NFKBIZ: variants seen among roughly 807,000 people sequenced by gnomAD.
The protein encoded by NFKBIZ is NF-kappa-B inhibitor zeta.
In NFKBIZ, 19 loss-of-function variants were observed where a neutral mutation model predicts 76.8. The observed-to-expected ratio is 0.25, with a 90% CI of 0.17 to 0.36. The LOEUF (loss-of-function observed/expected upper bound fraction) is 0.36, where lower values mean the gene tolerates loss of function less well. Ranked by LOEUF, NFKBIZ falls within the 10% of genes least tolerant of loss-of-function variation. The pLI is 1.00. For synonymous variants in NFKBIZ, 368 were observed against 354.8 expected (o/e 1.04, Z -0.42); for missense variants, 829 against 910.9 (o/e 0.91, Z 1.16).
chr3:101,835,326 G>C (rs897971163), intron 2 of NFKBIZ, among the ~76,000 whole-genome samples: 1 of 152,178 alleles, frequency 6.6e-6, no homozygotes, highest in African/African-American at 2.4e-5. Context: ...AAAATTTGGA[G>C]GCAAGAATTA....
chr3:101,851,048 C>T (rs1353749266), intron 1 of NFKBIZ, among the ~76,000 whole-genome samples: 2 of 152,210 alleles, frequency 1.3e-5, no homozygotes, highest in Non-Finnish European at 2.9e-5. Flanking sequence ...TCTGGTATCT[C>T]TTGAAATCCC....
chr3:101,851,307 T>C (rs1450331313), intron 1 of NFKBIZ, among the ~76,000 whole-genome samples: 2 of 152,256 alleles, frequency 1.3e-5, no homozygotes, highest in Non-Finnish European at 2.9e-5. Context: ...TACCAAATGC[T>C]AAAGTGTATT....
intron 2 of NFKBIZ, among the ~76,000 whole-genome samples, chr3:101,837,596 A>G (rs924130658): frequency 2.6e-5 from 4 of 152,298 alleles, no homozygotes; most frequent in African/African-American, 9.6e-5. Flanking sequence ...GGTGGAAAAC[A>G]CAGGGTTGAG....
At position 101,860,717 on chromosome 3, in the gene NFKBIZ, G is replaced by T. The variant is rs1239108838; in HGVS notation, c.*1346G>T. On this transcript the variant is annotated 3_prime_UTR_variant, in exon 12 of 12. Transcript: ENST00000326172. ...TATTAACATTATTTTGCTTGCCGCT[G>T]GCATGCCTGAGGAATGTATTTGGCT... is the stretch of plus-strand genomic sequence containing the variant. 1 of 150,956 alleles carries T rather than the reference G, an allele frequency of 6.6e-6. No individual in the cohort carries two copies. Among genetic ancestry groups the T allele is most frequent in the African/African-American group, 2.4e-5 (1 of 41,004 alleles). The allele number at this position is 150,956 out of a possible 1,614,324, so 9.4% of individuals were successfully genotyped here. A position where few individuals can be genotyped will look rare whatever the true frequency, so the allele number is the denominator to read the frequency against.
At chr3:101,849,395 A>T (rs1401568178), upstream of NFKBIZ, 2 of 358,172 alleles carry the variant, frequency 5.6e-6, no homozygotes, top group Non-Finnish European at 1.0e-5. Context: ...TGGAAATCGG[A>T]CGCATCCGGA....
At chr3:101,849,949 G>A (rs1441929970) in intron 1 of NFKBIZ, 32 bp downstream of exon 1, 4 of 1,360,322 alleles carry the variant, frequency 2.9e-6, no homozygotes, top group Non-Finnish European at 3.8e-6. Flanking sequence ...CTGCGTACTC[G>A]GGGCGCGCAC....
intron 2 of NFKBIZ, among the ~76,000 whole-genome samples, chr3:101,840,506 A>C (rs1942774052): frequency 6.6e-6 from 1 of 152,184 alleles, no homozygotes; most frequent in African/African-American, 2.4e-5. Flanking sequence ...AACCATATGC[A>C]TTTTATAGTA....
rs972601070 is a variant in NFKBIZ, at chr3:101,849,866, G to T, written c.238G>T (p.Gly80Cys). The change falls in exon 1 of 12, where the codon GGC becomes TGC. Residue 80 changes from glycine (G) to cysteine (C), a missense_variant. Gly to Cys is a radical substitution (Grantham distance 159). This residue lies in a region of NFKBIZ where 181 missense variants were observed against 175.3 expected (regional missense o/e 1.03). Transcript: ENST00000326172. The stretch of plus-strand genomic sequence containing the variant: ...CTCTGCCTCGTCGGTGTCCTCCTGC[G>T]GCGCCGTGGAGTCCCGGTCGAGAGG... Reference protein sequence around the residue: ...FSSASSVSSCGAVESRSRGGA... With the variant: ...FSSASSVSSCCAVESRSRGGA... 216 of 1,459,946 alleles carry T rather than the reference G, an allele frequency of 1.5e-4. No individual in the cohort carries two copies. The highest frequency in any genetic ancestry group is 1.9e-4 in the Non-Finnish European group (207 of 1,114,024). 90.4% of individuals were successfully genotyped at this position (1,459,946 alleles called of 1,614,324 possible).
chr3:101,855,015 A>G (rs377355376), intron 6 of NFKBIZ, 47 bp from the exon 7 acceptor site: 3 of 1,535,972 alleles, frequency 2.0e-6, no homozygotes, highest in Middle Eastern at 1.7e-4. Flanking sequence ...CCTTGTTATG[A>G]TAACATTGTA....
At chr3:101,855,333 G>C (rs1453432880) in intron 7 of NFKBIZ, 62 bp from the exon 8 acceptor site, 1 of 1,606,940 alleles carries the variant, frequency 6.2e-7, no homozygotes, top group African/African-American at 1.3e-5. Flanking sequence ...ATTTCTTGGG[G>C]ATTCTAATAG....
At position 101,855,869 on chromosome 3, in the gene NFKBIZ, C is replaced by T. The variant is rs748346230; in HGVS notation, c.1791C>T (p.Cys597=). The T allele has an allele frequency of 3.7e-6, 6 of 1,612,040 alleles. No homozygotes were observed. The Admixed American group carries it at 1.0e-4, about 27-fold the overall frequency. The stretch of plus-strand genomic sequence containing the variant: ...AGAGTCTGGTTGATACCATTAAGTG[C>T]CTAATTCAAATGGGAGCAGCGGTGG... ...KNKSLVDTIK[C]LIQMGAAVEA... The change falls in exon 9 of 12, where the codon TGC becomes TGT. Residue 597 remains cysteine (C), a synonymous_variant. Transcript: ENST00000326172.
At chr3:101,845,615 C>CT (rs1942840775), upstream of NFKBIZ, among the ~76,000 whole-genome samples, 1 of 152,104 alleles carries the variant, frequency 6.6e-6, no homozygotes. Flanking sequence ...CCCTCAATTC[C>CT]TTTTTTGAAA....
intron 2 of NFKBIZ, among the ~76,000 whole-genome samples, chr3:101,840,216 C>T (rs1942770976): frequency 1.3e-5 from 2 of 152,218 alleles, no homozygotes; most frequent in Middle Eastern, 6.8e-3. Flanking sequence ...GCAGAAGAAG[C>T]CATGGAACTT....
rs1942988606 is a variant in NFKBIZ, at chr3:101,852,833, G to C, written c.461-53G>C. ...GAGTAAATAATAGAGTGTAATTATGGGTAACATTTATAAAATAAAATGATG... is the reference window on the plus strand; with the variant it reads ...GAGTAAATAATAGAGTGTAATTATGCGTAACATTTATAAAATAAAATGATG... On this transcript the variant is annotated intron_variant, in intron 3 of 11. Transcript: ENST00000326172. 3.9e-5 allele frequency: 62 copies of C among 1,600,974 alleles called. 2 individuals are homozygous for C. In the South Asian group the frequency reaches 6.9e-4, roughly 18 times the overall value.
chr3:101,840,320 C>T (rs1019469052), intron 2 of NFKBIZ, among the ~76,000 whole-genome samples: 3 of 152,062 alleles, frequency 2.0e-5, no homozygotes, highest in Non-Finnish European at 4.4e-5. Context: ...TAAATAGAAA[C>T]CAGAAAACAC....
At position 101,855,405 on chromosome 3, in the gene NFKBIZ, AGGGAGCAGT is replaced by A; in HGVS notation, c.1606_1614del (p.Ala536_Gly538del). 1.2e-6 allele frequency: 2 copies of A among 1,614,236 alleles called. No homozygotes were observed. The highest frequency in any genetic ancestry group is 1.7e-6 in the Non-Finnish European group (2 of 1,180,032). ...TTTTAAAATCTGCAGGCGATTCAGA[AGGGAGCAGT>A]GGGAAGTAATCAGTTTGTGGATCTT... On this transcript the variant is annotated inframe_deletion, in exon 8 of 12. Transcript: ENST00000326172.
rs536101784 is a variant in NFKBIZ, at chr3:101,830,686, C to T, written c.-12+998C>T. Among the ~76,000 whole-genome samples the T allele has an allele frequency of 7.3e-5, 11 of 151,576 alleles. No homozygotes were observed. In the East Asian group the frequency reaches 2.1e-3, roughly 30 times the overall value. On this transcript the variant is annotated intron_variant, in intron 2 of 12. Coordinates refer to the NFKBIZ transcript ENST00000394054. Reference sequence around the variant, plus strand: ...TTTTTTATGGCTGTGTAGATTTCCACAGTGTATACGTACCACATTTCCTTT... The same window carrying T: ...TTTTTTATGGCTGTGTAGATTTCCATAGTGTATACGTACCACATTTCCTTT...
At chr3:101,845,871 A>T (rs947371673), upstream of NFKBIZ, among the ~76,000 whole-genome samples, 1 of 152,196 alleles carries the variant, frequency 6.6e-6, no homozygotes, top group Non-Finnish European at 1.5e-5. Context: ...CAGTATCTTT[A>T]GATGTAGACA....
In NFKBIZ at chr3:101,853,262, C is replaced by T. The variant is rs2107416639; in HGVS notation, c.736C>T (p.Pro246Ser). The T allele has an allele frequency of 6.2e-7, 1 of 1,614,140 alleles. No homozygotes were observed. The highest frequency in any genetic ancestry group is 8.5e-7 in the Non-Finnish European group (1 of 1,180,022). ...QVSWLNPVVV[P>S]QSSPAEQCQD... is the part of the protein sequence containing the mutation. The stretch of plus-strand genomic sequence containing the variant: ...TAGCTGGCTGAACCCCGTGGTGGTC[C>T]CTCAGAGCTCCCCCGCAGAGCAGTG... The change falls in exon 5 of 12, where the codon CCT (proline) becomes TCT (serine). Residue 246 changes from proline (P) to serine (S), a missense_variant. Pro to Ser is a moderately conservative substitution (Grantham distance 74). Transcript: ENST00000326172.
Sources: gnomAD v4.1 joint callset for allele counts (sites outside exome capture counted in the v4.1 genomes callset) on GRCh38, gnomAD v4.1.1 for gene constraint, gnomAD v4.1.1 regional missense constraint, MANE v1.5 for transcripts, NCBI Gene and HGNC (gene_info 2026-07-23, HGNC 2026-07-21) for gene names.